Variants in WDFY1 observed in about 807,000 individuals in gnomAD.
WDFY1 encodes WD repeat and FYVE domain-containing protein 1.
In WDFY1, 32 loss-of-function variants were observed where a neutral mutation model predicts 56.4. The ratio of observed to expected loss-of-function variants is 0.57; its 90% confidence interval spans 0.43 to 0.76. The LOEUF is 0.76. WDFY1 is among the 30% of genes least tolerant of loss of function. The probability of loss-of-function intolerance (pLI) is 0.00; values close to 1 mark genes in which losing one functional copy is unlikely to be tolerated. For synonymous variants in WDFY1, 192 were observed against 197.3 expected (o/e 0.97, Z 0.23); for missense variants, 480 against 545.7 (o/e 0.88, Z 1.20).
intron 1 of WDFY1, among the ~76,000 whole-genome samples, chr2:223,940,634 CTTAT>C (rs1436835022): frequency 2.0e-5 from 3 of 147,362 alleles, no homozygotes; most frequent in African/African-American, 4.9e-5. Flanking sequence ...GTCCAAATTC[CTTAT>C]TTCTTTCTTT....
intron 1 of WDFY1, among the ~76,000 whole-genome samples, chr2:223,937,324 G>C (rs1042965614): frequency 1.3e-5 from 2 of 152,102 alleles, no homozygotes; most frequent in Non-Finnish European, 2.9e-5. Flanking sequence ...TAAGATTAAA[G>C]TAACAAAATG....
chr2:223,887,802 G>T (rs1693197976), intron 8 of WDFY1, among the ~76,000 whole-genome samples: 1 of 152,148 alleles, frequency 6.6e-6, no homozygotes, highest in Non-Finnish European at 1.5e-5. Context: ...ATCACTGAAT[G>T]AAATGTCTGC....
intron 1 of WDFY1, among the ~76,000 whole-genome samples, chr2:223,929,332 C>T (rs1251849171): frequency 3.3e-5 from 5 of 152,030 alleles, no homozygotes; most frequent in African/African-American, 4.8e-5. Flanking sequence ...GGATTACAGG[C>T]ACCCACCACC....
chr2:223,904,788 G>A (rs977797409), intron 4 of WDFY1, among the ~76,000 whole-genome samples: 2 of 152,110 alleles, frequency 1.3e-5, no homozygotes, highest in Admixed American at 1.3e-4. Context: ...AAGTTTCTGG[G>A]AATCAGCTAA....
chr2:223,894,294 G>A lies in WDFY1; in HGVS notation c.771C>T (p.Leu257=), dbSNP rs1693325285. ...SLCYLQLTRQ[L]VSCSSDGGIA... ...TTCCGCCGTCCGAGGAACAGGAGAC[G>A]AGCTGCCTGGTGAGCTGAAGGTAGC... Residue 257 remains leucine, a synonymous_variant, in exon 8 of 12, where the codon CTC becomes CTT. Transcript: ENST00000233055. 3.1e-6 allele frequency: 5 copies of A among 1,614,192 alleles called. No individual in the cohort carries two copies. Among genetic ancestry groups the A allele is most frequent in the East Asian group, 4.5e-5 (2 of 44,878 alleles).
intron 1 of WDFY1, among the ~76,000 whole-genome samples, chr2:223,923,639 T>C (rs1693927745): frequency 6.6e-6 from 1 of 152,080 alleles, no homozygotes; most frequent in African/African-American, 2.4e-5. Context: ...CGGGCACCTG[T>C]AGTCCCAGCT....
At chr2:223,880,315 A>T in intron 10 of WDFY1, 83 bp from the exon 11 acceptor site, 2 of 1,263,186 alleles carry the variant, frequency 1.6e-6, no homozygotes, top group Non-Finnish European at 2.3e-6. Flanking sequence ...AACATAAAAT[A>T]AGCAAATATG....
chr2:223,882,804 T>G (rs947931100), intron 9 of WDFY1, among the ~76,000 whole-genome samples: 1 of 152,112 alleles, frequency 6.6e-6, no homozygotes, highest in Admixed American at 6.6e-5. Flanking sequence ...TACAGCTCAC[T>G]GCGGCCTTGA....
Position 223,895,879 on chromosome 2 carries a change from C to T in WDFY1, c.599-249G>A, listed in dbSNP as rs531852808. On this transcript the variant is annotated intron_variant, in intron 6 of 11. Transcript: ENST00000233055. ...AATTATGCATCAAACTACTTTGGGC[C>T]GGGCATGGTGACTCACACTTGTAAT... Among the ~76,000 whole-genome samples the T allele has an allele frequency of 9.2e-5, 14 of 151,948 alleles. 1 individual carries two copies. In the South Asian group the frequency reaches 2.9e-3, roughly 32 times the overall value.
In WDFY1 at chr2:223,898,939, G is replaced by T; in HGVS notation, c.598+19C>A. Reference sequence around the variant, plus strand: ...TCCAAGTTAGGCAAAAAAAACTCTTGGGTGATAATATAGCCTACCTTCATG... The same window carrying T: ...TCCAAGTTAGGCAAAAAAAACTCTTTGGTGATAATATAGCCTACCTTCATG... On this transcript the variant is annotated intron_variant, in intron 6 of 11. Transcript: ENST00000233055. The T allele has an allele frequency of 6.2e-7, 1 of 1,605,154 alleles. No homozygotes were observed. The highest frequency in any genetic ancestry group is 1.1e-5 in the South Asian group (1 of 90,840).
chr2:223,884,779 C>T (rs1428949812), intron 8 of WDFY1, 30 bp from the exon 9 acceptor site: 1 of 1,592,676 alleles, frequency 6.3e-7, no homozygotes, highest in South Asian at 1.1e-5. Flanking sequence ...AAGCCACCAT[C>T]AGTGTGTCTA....
intron 2 of WDFY1, 57 bp from the exon 3 acceptor site, chr2:223,912,383 T>C: frequency 7.5e-7 from 1 of 1,331,964 alleles, no homozygotes; most frequent in Non-Finnish European, 9.9e-7. Context: ...AAGTTGTTCT[T>C]CAAAGTGATT....
At chr2:223,903,528 AC>A (rs67486171) in intron 4 of WDFY1, among the ~76,000 whole-genome samples, 66,435 of 112,964 alleles carry the variant, frequency 0.59, 15,458 homozygotes, top group Non-Finnish European at 0.64. Context: ...TTCTCAAAAA[AC>A]AAAACAAAAC....
intron 1 of WDFY1, among the ~76,000 whole-genome samples, chr2:223,918,443 A>C (rs879784653): frequency 1.3e-5 from 2 of 152,120 alleles, no homozygotes; most frequent in Non-Finnish European, 2.9e-5. Flanking sequence ...CTTGGCTAAC[A>C]TGATGAAACC....
chr2:223,888,119 TCA>T (rs1693203416), intron 8 of WDFY1, among the ~76,000 whole-genome samples: 1 of 152,104 alleles, frequency 6.6e-6, no homozygotes, highest in Non-Finnish European at 1.5e-5. Flanking sequence ...TCTCGCTTTG[TCA>T]CACAGACTGG....
intron 1 of WDFY1, among the ~76,000 whole-genome samples, chr2:223,941,449 A>AT (rs1239456901): frequency 1.3e-5 from 2 of 151,832 alleles, no homozygotes; most frequent in African/African-American, 4.8e-5. Flanking sequence ...ATGAGGGTGC[A>AT]TCCCTCCTTC....
chr2:223,921,794 T>G lies in WDFY1; in HGVS notation c.138-3784A>C, dbSNP rs1445921034. On this transcript the variant is annotated intron_variant, in intron 1 of 11. Coordinates refer to ENST00000233055, the MANE Select transcript of WDFY1 (RefSeq NM_020830.5). Reference sequence around the variant, plus strand: ...TTGGGTGTGTTAATGGTGTCGCTGTTTGTTTTTTAAGAATTAAACGATAAT... The same window carrying G: ...TTGGGTGTGTTAATGGTGTCGCTGTGTGTTTTTTAAGAATTAAACGATAAT... Among the ~76,000 whole-genome samples, 3 of 152,138 alleles carry G rather than the reference T, an allele frequency of 2.0e-5. No individual in the cohort carries two copies. In the East Asian group the frequency reaches 5.8e-4, roughly 29 times the overall value.
chr2:223,923,700 G>A (rs1309969291), intron 1 of WDFY1, among the ~76,000 whole-genome samples: 4 of 152,078 alleles, frequency 2.6e-5, no homozygotes, highest in Non-Finnish European at 5.9e-5. Context: ...GGCGGAGCTT[G>A]CAGTGAGCCG....
At chr2:223,907,972 AC>A (rs1693628404) in intron 3 of WDFY1, among the ~76,000 whole-genome samples, 1 of 150,598 alleles carries the variant, frequency 6.6e-6, no homozygotes, top group Non-Finnish European at 1.5e-5. Flanking sequence ...TGATCCTCCC[AC>A]CTCAGCCTCT....
Sources: allele counts gnomAD v4.1 joint callset (sites outside exome capture counted in the v4.1 genomes callset), GRCh38; gene constraint gnomAD v4.1.1; transcripts MANE v1.5; gene names NCBI Gene and HGNC (gene_info 2026-07-23, HGNC 2026-07-21).